EPB41L5: variants seen among roughly 807,000 people sequenced by gnomAD.
EPB41L5 encodes band 4.1-like protein 5.
A neutral mutation model predicts 106.6 loss-of-function variants in EPB41L5; 55 were observed. The ratio of observed to expected loss-of-function variants is 0.52; its 90% confidence interval spans 0.42 to 0.65. EPB41L5 has a LOEUF of 0.65. EPB41L5 is among the 30% of genes least tolerant of loss of function. The pLI is 0.00. For synonymous variants in EPB41L5, 297 were observed against 306.7 expected, an observed-to-expected ratio of 0.97 and a Z score of 0.33; for missense variants, 871 against 882.1, an observed-to-expected ratio of 0.99 and a Z score of 0.16.
At chr2:120,098,830 G>A (rs556426987) in intron 14 of EPB41L5, among the ~76,000 whole-genome samples, 1 of 152,280 alleles carries the variant, frequency 6.6e-6, no homozygotes, top group African/African-American at 2.4e-5. Flanking sequence ...ATCAGGTAGC[G>A]GTTTTTTGCT....
chr2:120,164,890 G>A lies in EPB41L5; in HGVS notation c.1942G>A (p.Asp648Asn). 1.2e-6 allele frequency: 2 copies of A among 1,610,340 alleles called. No individual in the cohort carries two copies. Among genetic ancestry groups the A allele is most frequent in the East Asian group, 2.2e-5 (1 of 44,518 alleles). Reference sequence around the variant, plus strand: ...TGCATCTCTAACTGAGAATCTAATTGATCACACAGTTGCACCTCAGGTAAA... The same window carrying A: ...TGCATCTCTAACTGAGAATCTAATTAATCACACAGTTGCACCTCAGGTAAA... The part of the protein sequence containing the change: ...LLASLTENLI[D>N]HTVAPQVSST... Residue 648 changes from aspartate (D) to asparagine (N), a missense_variant, in exon 22 of 25, where the codon GAT (aspartate) becomes AAT (asparagine). Physicochemically the swap from Asp to Asn is conservative, Grantham distance 23. Transcript: ENST00000263713.
intron 16 of EPB41L5, among the ~76,000 whole-genome samples, chr2:120,126,677 C>T (rs1685472530): frequency 6.6e-6 from 1 of 152,160 alleles, no homozygotes; most frequent in African/African-American, 2.4e-5. Context: ...CCAGTATCAG[C>T]CTGTCTTGAT....
chr2:120,018,169 A>T (rs963369972), intron 1 of EPB41L5, among the ~76,000 whole-genome samples: 1 of 151,496 alleles, frequency 6.6e-6, no homozygotes, highest in Non-Finnish European at 1.5e-5. Flanking sequence ...GGGTTTCACC[A>T]TGTTAGCCAG....
intron 19 of EPB41L5, among the ~76,000 whole-genome samples, chr2:120,143,646 C>T (rs894550459): frequency 2.0e-5 from 3 of 152,126 alleles, no homozygotes; most frequent in Non-Finnish European, 4.4e-5. Context: ...GCCTGCCTCA[C>T]TAAGTCAGTT....
chr2:120,063,118 T>A (rs1353913911), intron 3 of EPB41L5, among the ~76,000 whole-genome samples: 1 of 151,928 alleles, frequency 6.6e-6, no homozygotes, highest in Non-Finnish European at 1.5e-5. Flanking sequence ...GGTGGGCAGA[T>A]CATATGAGGT....
rs774656350 is a variant in EPB41L5, at chr2:120,176,024, A to C, written c.*1117A>C. ...GGAATTCTGTGTTAGTTTAAAAGAG[A>C]TCTCTAAAACTTCCCCATCCCTTTG... On this transcript the variant is annotated 3_prime_UTR_variant, in exon 25 of 25. Coordinates refer to ENST00000263713, the MANE Select transcript of EPB41L5 (RefSeq NM_020909.4). The C allele has an allele frequency of 6.6e-6, 1 of 152,594 alleles. No individual in the cohort carries two copies. Among genetic ancestry groups the C allele is most frequent in the Admixed American group, 6.5e-5 (1 of 15,286 alleles). The allele number at this position is 152,594 out of a possible 1,614,324, so 9.5% of individuals were successfully genotyped here.
At chr2:120,106,996 T>A in intron 16 of EPB41L5, 1 of 822,430 alleles carries the variant, frequency 1.2e-6, no homozygotes, top group Non-Finnish European at 1.5e-6. Flanking sequence ...ATTCAAATCA[T>A]CTTTTTTTTT....
chr2:120,120,467 AAAG>A (rs1685166704), intron 16 of EPB41L5, among the ~76,000 whole-genome samples: 1 of 151,386 alleles, frequency 6.6e-6, no homozygotes, highest in Non-Finnish European at 1.5e-5. Flanking sequence ...GAACAAGAAA[AAAG>A]AAAAAAAAGC....
intron 3 of EPB41L5, among the ~76,000 whole-genome samples, chr2:120,060,032 G>A (rs1680927472): frequency 6.6e-6 from 1 of 152,180 alleles, no homozygotes; most frequent in Non-Finnish European, 1.5e-5. Context: ...AGCCATCAGG[G>A]AAGTGCCAAT....
At chr2:120,059,957 G>GA (rs1558835347) in intron 3 of EPB41L5, among the ~76,000 whole-genome samples, 137 of 152,206 alleles carry the variant, frequency 9.0e-4, no homozygotes, top group African/African-American at 3.2e-3. Flanking sequence ...ATGAACAAAA[G>GA]ACATGAAGAG....
chr2:120,054,600 C>G (rs890564023), intron 3 of EPB41L5, among the ~76,000 whole-genome samples: 20 of 151,310 alleles, frequency 1.3e-4, no homozygotes, highest in Admixed American at 1.3e-3. Context: ...CCTCCCGGTT[C>G]GAGCAGTTCT....
At chr2:120,059,961 T>C (rs1178387438) in intron 3 of EPB41L5, among the ~76,000 whole-genome samples, 1 of 151,998 alleles carries the variant, frequency 6.6e-6, no homozygotes, top group Non-Finnish European at 1.5e-5. Context: ...ACAAAAGACA[T>C]GAAGAGACAT....
intron 3 of EPB41L5, among the ~76,000 whole-genome samples, chr2:120,069,092 C>CA (rs1391316677): frequency 7.6e-6 from 1 of 131,336 alleles, no homozygotes; most frequent in Non-Finnish European, 1.5e-5. Context: ...CATGCCATTG[C>CA]ACTCCAGCCT....
intron 2 of EPB41L5, among the ~76,000 whole-genome samples, chr2:120,028,925 G>A (rs1271287655): frequency 6.6e-6 from 1 of 152,102 alleles, no homozygotes; most frequent in African/African-American, 2.4e-5. Flanking sequence ...ATTTTAGAGG[G>A]CTAAAGGAAT....
rs1362068358 is a variant in EPB41L5 at position 120,168,096 on chromosome 2, C to T, written c.2135+89C>T. ...CTTATTATCTCTAAAGCAGCAATGTCAATTCTTCCCTAACTGAACTATATT... is the reference window on the plus strand; with the variant it reads ...CTTATTATCTCTAAAGCAGCAATGTTAATTCTTCCCTAACTGAACTATATT... On this transcript the variant is annotated intron_variant, in intron 24 of 24. Transcript: ENST00000263713. 5 of 1,397,922 alleles carry T rather than the reference C, an allele frequency of 3.6e-6. No individual in the cohort carries two copies. In the African/African-American group the frequency reaches 7.2e-5, roughly 20 times the overall value. The allele number at this position is 1,397,922 out of a possible 1,614,324, so 86.6% of individuals were successfully genotyped here.
chr2:120,036,062 C>G (rs1679019819), intron 2 of EPB41L5, among the ~76,000 whole-genome samples: 1 of 152,096 alleles, frequency 6.6e-6, no homozygotes, highest in Non-Finnish European at 1.5e-5. Flanking sequence ...TAATTAGTAT[C>G]TCTTTTAAGG....
intron 20 of EPB41L5, 114 bp from the exon 21 acceptor site, chr2:120,160,767 A>G: frequency 1.4e-6 from 1 of 702,822 alleles, no homozygotes; most frequent in Non-Finnish European, 2.5e-6. Context: ...GCATTTTTTC[A>G]TATACCTTCC....
chr2:120,016,658 T>C (rs779380075), intron 1 of EPB41L5, among the ~76,000 whole-genome samples: 1 of 152,204 alleles, frequency 6.6e-6, no homozygotes, highest in Non-Finnish European at 1.5e-5. Flanking sequence ...CGTATCTTGC[T>C]CTTTGTTCTT....
chr2:120,058,434 C>G (rs975241798), intron 3 of EPB41L5, among the ~76,000 whole-genome samples: 1 of 152,208 alleles, frequency 6.6e-6, no homozygotes, highest in Admixed American at 6.5e-5. Context: ...CCTTGGCCCT[C>G]TAAGGTGTTG....
Sources: allele counts gnomAD v4.1 joint callset (sites outside exome capture counted in the v4.1 genomes callset), GRCh38; gene constraint gnomAD v4.1.1; transcripts MANE v1.5; gene names NCBI Gene and HGNC (gene_info 2026-07-23, HGNC 2026-07-21).